The following SDK1 variants were observed in gnomAD, a reference collection of about 807,000 sequenced individuals.
The protein encoded by SDK1 is protein sidekick-1.
A neutral mutation model predicts 245.5 loss-of-function variants in SDK1; 157 were observed. The ratio of observed to expected loss-of-function variants is 0.64; its 90% CI spans 0.56 to 0.73. The LOEUF is 0.73. Ranked by LOEUF, SDK1 falls within the 30% of genes least tolerant of loss-of-function variation. The pLI is 0.00. For missense variants in SDK1, 3,583 were observed against 3,002.3 expected, an observed-to-expected ratio of 1.19 and a Z score of -4.52; for synonymous variants, 1,647 against 1,278.5, an observed-to-expected ratio of 1.29 and a Z score of -6.15.
intron 4 of SDK1, among the ~76,000 whole-genome samples, chr7:3,653,197 C>G (rs192864191): frequency 6.6e-6 from 1 of 152,312 alleles, no homozygotes; most frequent in Admixed American, 6.5e-5. Flanking sequence ...CCCCAGCTGA[C>G]TGTTAGGTGA....
At chr7:3,682,031 C>T (rs1400643250) in intron 4 of SDK1, among the ~76,000 whole-genome samples, 1 of 152,176 alleles carries the variant, frequency 6.6e-6, no homozygotes, top group Non-Finnish European at 1.5e-5. Flanking sequence ...AGAACAGACT[C>T]TAAACAGCCT....
intron 1 of SDK1, among the ~76,000 whole-genome samples, chr7:3,355,590 C>T (rs1171348784): frequency 2.6e-5 from 4 of 152,216 alleles, no homozygotes; most frequent in Non-Finnish European, 4.4e-5. Context: ...TCTCAATCCC[C>T]TGTTCCCTCC....
intron 5 of SDK1, among the ~76,000 whole-genome samples, chr7:3,908,219 T>G (rs1779026868): frequency 6.6e-6 from 1 of 152,214 alleles, no homozygotes; most frequent in South Asian, 2.1e-4. Context: ...GAGCGCCTTG[T>G]GTCCCGCTCA....
chr7:3,932,376 A>G (rs1780007245), intron 5 of SDK1, among the ~76,000 whole-genome samples: 1 of 152,246 alleles, frequency 6.6e-6, no homozygotes, highest in South Asian at 2.1e-4. Context: ...ACCAAAATAT[A>G]GATGAGATTG....
intron 22 of SDK1, among the ~76,000 whole-genome samples, chr7:4,106,643 G>A (rs1305589069): frequency 1.3e-5 from 2 of 152,154 alleles, no homozygotes; most frequent in African/African-American, 4.8e-5. Flanking sequence ...CTCTGCAGAG[G>A]GAGCCGCACG....
rs367922108 is a variant in SDK1, at chr7:3,969,354, C to G, written c.1644C>G (p.Ala548=). ...TCGCGCCCGTCTTCATCCAGGATGC[C>G]GGCAACTACACCTGCTATGCGGCCA... ...LQIAPVFIQD[A]GNYTCYAANT... is the part of the protein sequence containing the mutation. Residue 548 remains alanine, a synonymous_variant, in exon 11 of 45, where the codon GCC becomes GCG. Transcript: ENST00000404826. The G allele has an allele frequency of 8.7e-6, 14 of 1,611,320 alleles. No individual in the cohort carries two copies. The highest frequency in any genetic ancestry group is 1.2e-5 in the Non-Finnish European group (14 of 1,178,926).
Position 4,110,678 on chromosome 7 carries a change from G to A in SDK1, c.3340G>A (p.Asp1114Asn), listed in dbSNP as rs201233314. 48 of 1,613,336 alleles carry A rather than the reference G, an allele frequency of 3.0e-5. No homozygotes were observed. Among genetic ancestry groups the A allele is most frequent in the East Asian group, 2.9e-4 (13 of 44,854 alleles). Residue 1114 changes from aspartate to asparagine, a missense_variant, in exon 23 of 45, where the codon GAC (aspartate) becomes AAC (asparagine). Physicochemically the swap from Asp to Asn is conservative, Grantham distance 23. Transcript: ENST00000404826. ...IVEGQVGAIG[D>N]EEEWVTLYEE... ...CTCTGCACAGGTGGGAGCTATCGGC[G>A]ACGAGGAGGAGTGGGTCACCCTCTA...
chr7:4,020,153 C>T (rs765131955), intron 17 of SDK1, among the ~76,000 whole-genome samples: 17 of 152,202 alleles, frequency 1.1e-4, no homozygotes, highest in Admixed American at 4.6e-4. Context: ...CTTCTTTGTT[C>T]GAGGGACATG....
intron 44 of SDK1, among the ~76,000 whole-genome samples, chr7:4,246,534 C>G (rs1047861652): frequency 2.0e-5 from 3 of 152,128 alleles, no homozygotes; most frequent in African/African-American, 7.2e-5. Context: ...GACCCCTTTA[C>G]CAGATAGGAG....
chr7:3,888,564 A>G (rs765161449), intron 5 of SDK1, among the ~76,000 whole-genome samples: 1 of 152,220 alleles, frequency 6.6e-6, no homozygotes, highest in Non-Finnish European at 1.5e-5. Flanking sequence ...TTCCTTGATA[A>G]TGGCATTTTC....
intron 5 of SDK1, among the ~76,000 whole-genome samples, chr7:3,898,029 C>T (rs115687582): frequency 0.015 from 2,222 of 152,238 alleles, 53 homozygotes; most frequent in African/African-American, 0.051. Context: ...GCCGTGTGCA[C>T]ACACACCCCA....
At position 3,924,055 on chromosome 7, in the gene SDK1, G is replaced by T. The variant is rs528563952; in HGVS notation, c.848-26868G>T. Among the ~76,000 whole-genome samples the T allele has an allele frequency of 2.8e-3, 419 of 152,028 alleles. 2 individuals carry two copies. The highest frequency in any genetic ancestry group is 4.6e-3 in the South Asian group (22 of 4,814). ...CTATAGAGATTTAGGAAGAGGTGCA[G>T]AATGGGAGGCTCAAATCACCTGGAG... On this transcript the variant is annotated intron_variant, in intron 5 of 44. Coordinates refer to ENST00000404826, the MANE Select transcript of SDK1 (RefSeq NM_152744.4).
intron 3 of SDK1, among the ~76,000 whole-genome samples, chr7:3,640,373 A>G (rs1782610977): frequency 6.6e-6 from 1 of 152,198 alleles, no homozygotes; most frequent in Admixed American, 6.5e-5. Context: ...AGTAGATGAA[A>G]TAAAATAATA....
intron 13 of SDK1, among the ~76,000 whole-genome samples, chr7:3,981,309 C>G (rs908111806): frequency 2.0e-5 from 3 of 152,176 alleles, no homozygotes; most frequent in South Asian, 2.1e-4. Flanking sequence ...TCTGACTGCT[C>G]CACCAACAGG....
chr7:3,305,971 A>G (rs1015528485), intron 1 of SDK1, among the ~76,000 whole-genome samples: 6 of 152,178 alleles, frequency 3.9e-5, no homozygotes, highest in Non-Finnish European at 7.3e-5. Context: ...AGGTCCCAGG[A>G]CCAGGAGTGG....
intron 1 of SDK1, among the ~76,000 whole-genome samples, chr7:3,568,167 C>A (rs1470213943): frequency 6.6e-6 from 1 of 152,092 alleles, no homozygotes; most frequent in Non-Finnish European, 1.5e-5. Context: ...GTTGTTTGAA[C>A]CAGTGTCATT....
chr7:3,978,927 T>C (rs1334534081), intron 13 of SDK1, among the ~76,000 whole-genome samples: 4 of 152,196 alleles, frequency 2.6e-5, no homozygotes, highest in African/African-American at 7.2e-5. Context: ...TTTTCAAAAA[T>C]AGACCAGCCG....
At chr7:3,532,031 T>C (rs1373874994) in intron 1 of SDK1, among the ~76,000 whole-genome samples, 3 of 152,234 alleles carry the variant, frequency 2.0e-5, no homozygotes, top group Non-Finnish European at 4.4e-5. Flanking sequence ...ATCTTAAACT[T>C]CAAGGACTGA....
chr7:4,163,551 G>A (rs1181423028), intron 32 of SDK1, among the ~76,000 whole-genome samples: 1 of 152,198 alleles, frequency 6.6e-6, no homozygotes, highest in African/African-American at 2.4e-5. Flanking sequence ...GCATCTCCCA[G>A]GGCCCTGCAG....
Sources: gnomAD v4.1 joint callset for allele counts (sites outside exome capture counted in the v4.1 genomes callset) on GRCh38, gnomAD v4.1.1 for gene constraint, MANE v1.5 for transcripts, NCBI Gene and HGNC (gene_info 2026-07-23, HGNC 2026-07-21) for gene names.